The following GRID2 variants were observed in gnomAD, a reference collection of about 807,000 sequenced individuals.
GRID2 encodes the protein glutamate receptor ionotropic, delta-2.
GRID2 carries 33 observed loss-of-function variants against 114.8 expected under a neutral mutation model. That is an observed-to-expected ratio of 0.29 (90% CI 0.22 to 0.38). The LOEUF is 0.38. Ranked by LOEUF, GRID2 falls within the 10% of genes least tolerant of loss-of-function variation. The pLI is 1.00. For missense variants in GRID2, 1,184 were observed against 1,257.7 expected (o/e 0.94, Z 0.89); for synonymous variants, 505 against 449.9 (o/e 1.12, Z -1.55).
chr4:93,498,286 A>G (rs1411090056), intron 12 of GRID2, among the ~76,000 whole-genome samples: 1 of 151,782 alleles, frequency 6.6e-6, no homozygotes, highest in Non-Finnish European at 1.5e-5. Flanking sequence ...TCCTCACATG[A>G]CAGAAAAGAT....
At chr4:92,739,377 A>G (rs2149330207) in intron 2 of GRID2, among the ~76,000 whole-genome samples, 1 of 152,278 alleles carries the variant, frequency 6.6e-6, no homozygotes, top group Admixed American at 6.5e-5. Context: ...TGTGAGTTTT[A>G]TATCAGCGGC....
intron 1 of GRID2, among the ~76,000 whole-genome samples, chr4:92,475,832 A>G (rs973217370): frequency 4.6e-5 from 7 of 151,942 alleles, no homozygotes; most frequent in Non-Finnish European, 8.8e-5. Flanking sequence ...TTGTAGCTTC[A>G]ACTTCTTTTG....
At chr4:92,738,664 T>G (rs1481031391) in intron 2 of GRID2, among the ~76,000 whole-genome samples, 1 of 152,106 alleles carries the variant, frequency 6.6e-6, no homozygotes, top group Non-Finnish European at 1.5e-5. Context: ...TTATTTTTTA[T>G]TTTTAGAGAC....
At chr4:92,631,968 C>A (rs954314652) in intron 2 of GRID2, among the ~76,000 whole-genome samples, 3 of 152,182 alleles carry the variant, frequency 2.0e-5, no homozygotes, top group Admixed American at 2.0e-4. Flanking sequence ...TAATCAACTA[C>A]AAATAATGTC....
chr4:92,437,096 A>G (rs1056323104), intron 1 of GRID2, among the ~76,000 whole-genome samples: 17 of 152,196 alleles, frequency 1.1e-4, no homozygotes, highest in African/African-American at 3.9e-4. Flanking sequence ...TCTATAATTG[A>G]CTAAGATGTT....
intron 1 of GRID2, among the ~76,000 whole-genome samples, chr4:92,378,058 A>G (rs955194419): frequency 2.6e-5 from 4 of 152,028 alleles, no homozygotes; most frequent in South Asian, 2.1e-4. Context: ...ATCTTAGATC[A>G]TATAATTTTA....
chr4:92,994,870 A>G (rs1368039387), intron 2 of GRID2, among the ~76,000 whole-genome samples: 2 of 152,164 alleles, frequency 1.3e-5, no homozygotes, highest in Admixed American at 1.3e-4. Flanking sequence ...GCTACAGTGT[A>G]TGTTGGAGCC....
intron 1 of GRID2, among the ~76,000 whole-genome samples, chr4:92,384,510 TATA>T (rs1471371954): frequency 3.1e-5 from 1 of 32,494 alleles, no homozygotes; most frequent in South Asian, 8.3e-4. Context: ...ATATATTATA[TATA>T]ATATTATATA....
At chr4:93,518,762 G>A (rs185094713) in intron 13 of GRID2, among the ~76,000 whole-genome samples, 2 of 152,178 alleles carry the variant, frequency 1.3e-5, no homozygotes, top group East Asian at 1.9e-4. Context: ...CTTTAAGCAG[G>A]TTGGAGAGGG....
chr4:92,954,470 A>C (rs1279365161), intron 2 of GRID2, among the ~76,000 whole-genome samples: 2 of 151,930 alleles, frequency 1.3e-5, no homozygotes, highest in African/African-American at 4.8e-5. Context: ...TCTGTCGCCC[A>C]GACTGGAGTG....
rs530624166 is a variant in GRID2, at chr4:92,502,186, T to C, written c.89-87945T>C. ...AGTATTTTAATTTTTTTAACATATATTTCTATTGCAGTTTTCAAAAATTTC... is the reference window on the plus strand; with the variant it reads ...AGTATTTTAATTTTTTTAACATATACTTCTATTGCAGTTTTCAAAAATTTC... On this transcript the variant is annotated intron_variant, in intron 1 of 15. Coordinates refer to ENST00000282020, the MANE Select transcript of GRID2 (RefSeq NM_001510.4). Among the ~76,000 whole-genome samples the C allele has an allele frequency of 3.3e-4, 50 of 152,260 alleles. 1 individual carries two copies. The highest frequency in any genetic ancestry group is 6.8e-4 in the Non-Finnish European group (46 of 67,994).
chr4:93,395,742 T>C (rs762160049), intron 9 of GRID2, 34 bp downstream of exon 9: 17 of 910,414 alleles, frequency 1.9e-5, no homozygotes, highest in Non-Finnish European at 2.9e-5. Flanking sequence ...GTTTTGACTT[T>C]TGGAGGTTAC....
At chr4:92,773,432 A>G (rs963371859) in intron 2 of GRID2, among the ~76,000 whole-genome samples, 1 of 152,174 alleles carries the variant, frequency 6.6e-6, no homozygotes. Context: ...TGTACCAGAA[A>G]AGAAGCAACA....
At chr4:93,795,339 G>C (rs1252816904) in intron 1 of GRID2, among the ~76,000 whole-genome samples, 5 of 151,752 alleles carry the variant, frequency 3.3e-5, no homozygotes, top group African/African-American at 1.2e-4. Flanking sequence ...GACTATGTAA[G>C]TGTGTATTAT....
chr4:92,887,175 A>T (rs766333368), intron 2 of GRID2, among the ~76,000 whole-genome samples: 12 of 152,092 alleles, frequency 7.9e-5, no homozygotes, highest in Non-Finnish European at 1.6e-4. Context: ...CTGGAGGTCT[A>T]CACTCTCCTG....
intron 1 of GRID2, among the ~76,000 whole-genome samples, chr4:92,462,438 G>A (rs1156359369): frequency 6.6e-6 from 1 of 151,924 alleles, no homozygotes; most frequent in Non-Finnish European, 1.5e-5. Flanking sequence ...TTTTGTGGCT[G>A]TTGATTTTTT....
chr4:93,570,983 A>C (rs1735879874), intron 13 of GRID2, among the ~76,000 whole-genome samples: 1 of 152,130 alleles, frequency 6.6e-6, no homozygotes, highest in Non-Finnish European at 1.5e-5. Flanking sequence ...CCATTTATTC[A>C]TCCCTGTTCA....
chr4:92,733,859 G>C (rs907290458), intron 2 of GRID2, among the ~76,000 whole-genome samples: 6 of 152,034 alleles, frequency 3.9e-5, no homozygotes, highest in Non-Finnish European at 8.8e-5. Context: ...TGGAGGAACA[G>C]CAAGGATCCT....
chr4:92,528,606 G>A (rs1446269738), intron 1 of GRID2, among the ~76,000 whole-genome samples: 1 of 151,900 alleles, frequency 6.6e-6, no homozygotes, highest in African/African-American at 2.4e-5. Context: ...TACTGGGGAA[G>A]AAATGTTTGA....
Sources: gnomAD v4.1 joint callset for allele counts (sites outside exome capture counted in the v4.1 genomes callset) on GRCh38, gnomAD v4.1.1 for gene constraint, MANE v1.5 for transcripts, NCBI Gene and HGNC (gene_info 2026-07-23, HGNC 2026-07-21) for gene names.